CPLANE1: variants seen among roughly 807,000 people sequenced by gnomAD.
CPLANE1 encodes ciliogenesis and planar polarity effector complex subunit 1.
Under a neutral mutation model 362.5 loss-of-function variants are expected in CPLANE1, and 263 were observed. That is an observed-to-expected ratio of 0.73 (90% CI 0.66 to 0.80). The LOEUF (loss-of-function observed/expected upper bound fraction) is 0.80. Among genes scored for constraint, CPLANE1 ranks in the 30% least tolerant of loss-of-function variants. CPLANE1 has a pLI of 0.00. For synonymous variants in CPLANE1, 1,212 were observed against 1,302.6 expected, an observed-to-expected ratio of 0.93 and a Z score of 1.50; for missense variants, 3,461 against 3,793.4, an observed-to-expected ratio of 0.91 and a Z score of 2.30.
At chr5:37,194,073 C>T (rs925441061) in intron 21 of CPLANE1, among the ~76,000 whole-genome samples, 8 of 152,012 alleles carry the variant, frequency 5.3e-5, no homozygotes, top group African/African-American at 1.9e-4. Flanking sequence ...AGGTGCACAC[C>T]ACTATGCCTG....
intron 46 of CPLANE1, among the ~76,000 whole-genome samples, chr5:37,126,870 A>C (rs1764273572): frequency 6.6e-6 from 1 of 152,212 alleles, no homozygotes; most frequent in Non-Finnish European, 1.5e-5. Context: ...GGGACTTGAG[A>C]CAGATGCATC....
At chr5:37,147,052 A>C (rs1771870087) in intron 43 of CPLANE1, among the ~76,000 whole-genome samples, 1 of 152,196 alleles carries the variant, frequency 6.6e-6, no homozygotes, top group Non-Finnish European at 1.5e-5. Flanking sequence ...TTCCACAATC[A>C]TTATGGGTAA....
At chr5:37,116,772 G>T (rs1287177205) in intron 50 of CPLANE1, among the ~76,000 whole-genome samples, 1 of 152,220 alleles carries the variant, frequency 6.6e-6, no homozygotes, top group Non-Finnish European at 1.5e-5. Context: ...CAGTGAATTT[G>T]AAAATCTTGA....
chr5:37,231,041 C>A lies in CPLANE1; in HGVS notation c.947G>T (p.Trp316Leu). 6.6e-7 allele frequency: 1 copy of A among 1,526,702 alleles called. No individual in the cohort carries two copies. The highest frequency in any genetic ancestry group is 8.8e-7 in the Non-Finnish European group (1 of 1,136,990). The allele number at this position is 1,526,702 out of a possible 1,614,324, so 94.6% of individuals were successfully genotyped here. A position where few individuals can be genotyped will look rare whatever the true frequency, so the allele number is the denominator to read the frequency against. ...ATGCGTCCAGCTGATATCACCTACCCAGTAGGACCTATAATAAATAAGAGA... is the reference window on the plus strand; with the variant it reads ...ATGCGTCCAGCTGATATCACCTACCAAGTAGGACCTATAATAAATAAGAGA... The part of the protein sequence containing the change: ...VVPATLIRSY[W>L]VGDISWTHDS... Residue 316 changes from tryptophan to leucine, a missense_variant, in exon 9 of 53, where the codon TGG becomes TTG. Transcript: ENST00000651892.
At position 37,209,223 on chromosome 5, in the gene CPLANE1, T is replaced by G; in HGVS notation, c.2921-2798A>C. The G allele has an allele frequency of 1.7e-6, 1 of 589,098 alleles. No individual in the cohort carries two copies. The allele number at this position is 589,098 out of a possible 1,614,324, so 36.5% of individuals were successfully genotyped here. ...AGGCAGAGAGCGTTCAGCACCCTTG[T>G]TCCTCCCGACCCCTCAGGACAGAAG... On this transcript the variant is annotated intron_variant, in intron 16 of 52. Transcript: ENST00000651892. The surrounding 1 kb of genome is among the most constrained non-coding windows in gnomAD (Gnocchi z 4.6).
chr5:37,143,935 CG>C (rs1446182976), intron 43 of CPLANE1, among the ~76,000 whole-genome samples: 10 of 87,116 alleles, frequency 1.1e-4, no homozygotes, highest in Admixed American at 1.1e-3. Flanking sequence ...AACTCTGTCT[CG>C]AAAAAAAAAA....
the CPLANE1 span, among the ~76,000 whole-genome samples, chr5:37,076,322 T>C: frequency 6.6e-6 from 1 of 152,034 alleles, no homozygotes; most frequent in African/African-American, 2.4e-5. Flanking sequence ...AAACTTTTTT[T>C]TTCTTTTGTT....
intron 21 of CPLANE1, among the ~76,000 whole-genome samples, chr5:37,191,602 C>T (rs7700328): frequency 1.4e-4 from 21 of 152,228 alleles, no homozygotes; most frequent in African/African-American, 4.6e-4. Context: ...ACCCGGGAGG[C>T]AGAGGCTGCA....
At position 37,231,043 on chromosome 5, in the gene CPLANE1, G is replaced by A; in HGVS notation, c.945C>T (p.Tyr315=). The change falls in exon 9 of 53, where the codon TAC becomes TAT. Residue 315 remains tyrosine (Y), a synonymous_variant. Coordinates refer to ENST00000651892, the MANE Select transcript of CPLANE1 (RefSeq NM_001384732.1). ...PVVPATLIRS[Y]WVGDISWTHD... is the part of the protein sequence containing the mutation. ...GCGTCCAGCTGATATCACCTACCCA[G>A]TAGGACCTATAATAAATAAGAGACA... is the stretch of plus-strand genomic sequence containing the variant. 1 of 1,525,638 alleles carries A rather than the reference G, an allele frequency of 6.6e-7. No individual in the cohort carries two copies. Among genetic ancestry groups the A allele is most frequent in the South Asian group, 1.3e-5 (1 of 79,150 alleles). The allele number at this position is 1,525,638 out of a possible 1,614,324, so 94.5% of individuals were successfully genotyped here.
intron 52 of CPLANE1, 128 bp downstream of exon 52, chr5:37,108,165 G>A: frequency 1.2e-6 from 1 of 863,650 alleles, no homozygotes; most frequent in Non-Finnish European, 1.8e-6. Context: ...ATTTCAAACT[G>A]ACCTAACAAC....
the CPLANE1 span, among the ~76,000 whole-genome samples, chr5:37,084,308 C>T: frequency 6.6e-6 from 1 of 152,106 alleles, no homozygotes; most frequent in African/African-American, 2.4e-5. Flanking sequence ...CCAGGAAACC[C>T]ATCAAAACAG....
the CPLANE1 span, among the ~76,000 whole-genome samples, chr5:37,090,962 C>A: frequency 1.3e-5 from 2 of 152,188 alleles, no homozygotes; most frequent in African/African-American, 4.8e-5. Context: ...TTCTGCCTGG[C>A]CCATTGGCTT....
At chr5:37,248,129 T>C (rs1167118031) in intron 1 of CPLANE1, among the ~76,000 whole-genome samples, 2 of 150,464 alleles carry the variant, frequency 1.3e-5, no homozygotes, top group Admixed American at 6.7e-5. Flanking sequence ...AAAGTTTTGA[T>C]TTATATTTTA....
At chr5:37,138,139 T>A (rs1352395681) in intron 46 of CPLANE1, among the ~76,000 whole-genome samples, 3 of 152,200 alleles carry the variant, frequency 2.0e-5, no homozygotes, top group African/African-American at 7.2e-5. Context: ...CATTGGGGTG[T>A]TGAAGTCCCC....
intron 26 of CPLANE1, among the ~76,000 whole-genome samples, chr5:37,181,928 T>C (rs1782762131): frequency 1.3e-5 from 2 of 151,822 alleles, no homozygotes; most frequent in South Asian, 2.1e-4. Context: ...CCATCTCTAC[T>C]AAAAACTACA....
intron 9 of CPLANE1, among the ~76,000 whole-genome samples, chr5:37,228,754 T>C (rs1797012189): frequency 6.6e-6 from 1 of 152,186 alleles, no homozygotes; most frequent in South Asian, 2.1e-4. Flanking sequence ...TTATTTAATT[T>C]TGTAACATTT....
intron 6 of CPLANE1, among the ~76,000 whole-genome samples, chr5:37,241,525 T>C (rs1800473031): frequency 6.6e-6 from 1 of 152,200 alleles, no homozygotes; most frequent in African/African-American, 2.4e-5. Context: ...TTGGGGATAG[T>C]ATCAATGTTC....
At chr5:37,202,914 T>C (rs1019716507) in intron 18 of CPLANE1, among the ~76,000 whole-genome samples, 1 of 150,962 alleles carries the variant, frequency 6.6e-6, no homozygotes, top group African/African-American at 2.4e-5. Flanking sequence ...ATCTATTTTG[T>C]ATATATTTAT....
chr5:37,203,289 A>T (rs1465431533), intron 18 of CPLANE1, among the ~76,000 whole-genome samples: 2 of 152,178 alleles, frequency 1.3e-5, no homozygotes, highest in Non-Finnish European at 2.9e-5. Context: ...TACGGTATGT[A>T]GTCTTCGTTC....
Sources: gnomAD v4.1 joint callset for allele counts (sites outside exome capture counted in the v4.1 genomes callset) on GRCh38, gnomAD v4.1.1 for gene constraint, Gnocchi (gnomAD v3.1) non-coding constraint, MANE v1.5 for transcripts, NCBI Gene and HGNC (gene_info 2026-07-23, HGNC 2026-07-21) for gene names.